SIPA1L3: variants seen among roughly 807,000 people sequenced by gnomAD.
SIPA1L3 encodes signal-induced proliferation-associated 1-like protein 3.
Under a neutral mutation model 150.1 loss-of-function variants are expected in SIPA1L3, and 59 were observed. The observed-to-expected ratio is 0.39, with a 90% confidence interval of 0.32 to 0.49. SIPA1L3 has a LOEUF of 0.49. SIPA1L3 is among the 20% of genes least tolerant of loss of function. SIPA1L3 has a pLI of 0.86. For missense variants in SIPA1L3, 2,211 were observed against 2,489.5 expected, an observed-to-expected ratio of 0.89 and a Z score of 2.38; for synonymous variants, 1,070 against 1,077.6, an observed-to-expected ratio of 0.99 and a Z score of 0.14.
chr19:38,125,425 A>AT (rs1971149680), intron 9 of SIPA1L3, among the ~76,000 whole-genome samples: 1 of 152,140 alleles, frequency 6.6e-6, no homozygotes, highest in African/African-American at 2.4e-5. Flanking sequence ...GCCAGGCACC[A>AT]TGCCAGGTGA....
intron 17 of SIPA1L3, among the ~76,000 whole-genome samples, 194 bp downstream of exon 17, chr19:38,192,504 G>T (rs1445949843): frequency 6.6e-6 from 1 of 152,204 alleles, no homozygotes; most frequent in East Asian, 1.9e-4. Context: ...GCATTGGTCT[G>T]GGATGGAATC....
intron 18 of SIPA1L3, among the ~76,000 whole-genome samples, chr19:38,197,590 C>T (rs1008782986): frequency 5.9e-5 from 9 of 152,172 alleles, no homozygotes; most frequent in Admixed American, 5.9e-4. Context: ...GCCTCCGTCC[C>T]ACCATCTCCT....
At chr19:38,187,485 A>AGGCGGG (rs1451153617) in intron 16 of SIPA1L3, among the ~76,000 whole-genome samples, 1 of 151,866 alleles carries the variant, frequency 6.6e-6, no homozygotes, top group African/African-American at 2.4e-5. Flanking sequence ...TGGGAGGCCG[A>AGGCGGG]GGCGGGTGGA....
Position 37,963,070 on chromosome 19 carries a change from C to T in SIPA1L3, c.-379+55712C>T, listed in dbSNP as rs117202755. 7.1e-3 allele frequency among the ~76,000 whole-genome samples: 1,083 copies of T among 152,250 alleles called. 36 individuals carry two copies. Among genetic ancestry groups the T allele is most frequent in the East Asian group, 0.066 (341 of 5,184 alleles). On this transcript the variant is annotated intron_variant, in intron 1 of 21. Coordinates refer to ENST00000222345, the MANE Select transcript of SIPA1L3 (RefSeq NM_015073.3). ...CAGATTAAAGGTTGTGCTGAAACAC[C>T]TTGAGCCAATAAAGCTTCCATCCTT...
intron 4 of SIPA1L3, among the ~76,000 whole-genome samples, chr19:38,097,724 T>G (rs1217256953): frequency 1.3e-5 from 2 of 152,180 alleles, no homozygotes; most frequent in Non-Finnish European, 2.9e-5. Flanking sequence ...GCCCGGCTAA[T>G]TTTTGTATTT....
At chr19:38,176,722 A>G (rs1972442376) in intron 15 of SIPA1L3, among the ~76,000 whole-genome samples, 1 of 152,208 alleles carries the variant, frequency 6.6e-6, no homozygotes, top group Non-Finnish European at 1.5e-5. Flanking sequence ...CTGTAATCCC[A>G]GCACTTTGGG....
Position 37,972,093 on chromosome 19 carries a change from A to T in SIPA1L3, c.-378-56996A>T, listed in dbSNP as rs1337721604. ...TATTTTTCAGTTCTCTTGGATATCT[A>T]CATACTTAAGAGTGGAGTTACTAAG... On this transcript the variant is annotated intron_variant, in intron 1 of 21. Transcript: ENST00000222345. Among the ~76,000 whole-genome samples the T allele has an allele frequency of 3.3e-5, 5 of 152,090 alleles. No homozygotes were observed. In the East Asian group the frequency reaches 9.6e-4, roughly 29 times the overall value.
rs563320778 is a variant in SIPA1L3 at position 38,081,800 on chromosome 19, G to A, written c.235G>A (p.Val79Met). The A allele has an allele frequency of 3.7e-6, 6 of 1,612,870 alleles. No homozygotes were observed. The highest frequency in any genetic ancestry group is 4.5e-5 in the East Asian group (2 of 44,822). Residue 79 changes from valine to methionine, a missense_variant, in exon 3 of 22, where the codon GTG becomes ATG. Physicochemically the swap from Val to Met is conservative, Grantham distance 21. Coordinates refer to ENST00000222345, the MANE Select transcript of SIPA1L3 (RefSeq NM_015073.3). ...PTTPAMPKMG[V>M]RARVADWPPK... ...CACTCCCGCAATGCCCAAGATGGGC[G>A]TGCGCGCAAGGGTGGCCGACTGGCC...
At chr19:37,908,303 T>G (rs1200413392) in intron 1 of SIPA1L3, among the ~76,000 whole-genome samples, 4 of 152,160 alleles carry the variant, frequency 2.6e-5, no homozygotes, top group Non-Finnish European at 5.9e-5. Context: ...TCTCAAAGGG[T>G]TGTAAGGATT....
intron 16 of SIPA1L3, 141 bp from the exon 17 acceptor site, chr19:38,192,004 C>T (rs1012824441): frequency 2.8e-6 from 2 of 709,180 alleles, no homozygotes; most frequent in East Asian, 5.9e-5. Context: ...CCAAGCCCCT[C>T]TCTGCCACGC....
At chr19:37,929,341 C>A (rs2046533017) in intron 1 of SIPA1L3, among the ~76,000 whole-genome samples, 1 of 152,210 alleles carries the variant, frequency 6.6e-6, no homozygotes, top group African/African-American at 2.4e-5. Flanking sequence ...GGTTTTGCTG[C>A]AGAAATAAGT....
chr19:38,038,275 G>A lies in SIPA1L3; in HGVS notation c.-311+9119G>A, dbSNP rs189277198. Among the ~76,000 whole-genome samples the A allele has an allele frequency of 3.3e-5, 5 of 152,278 alleles. No individual in the cohort carries two copies. In the East Asian group the frequency reaches 9.6e-4, roughly 29 times the overall value. On this transcript the variant is annotated intron_variant, in intron 2 of 21. Transcript: ENST00000222345. ...GAGCAGACACACACAGATGTCCACT[G>A]TGCACTGTATCTTCCTCATGTAAAA...
chr19:38,150,825 G>A (rs1971805263), intron 12 of SIPA1L3, among the ~76,000 whole-genome samples: 1 of 152,026 alleles, frequency 6.6e-6, no homozygotes, highest in Admixed American at 6.6e-5. Context: ...ACAGGCGTGA[G>A]CCACCACACC....
chr19:37,957,783 G>A (rs909483010), intron 1 of SIPA1L3, among the ~76,000 whole-genome samples: 1 of 151,970 alleles, frequency 6.6e-6, no homozygotes, highest in Non-Finnish European at 1.5e-5. Context: ...CATAATCACA[G>A]CTCACTGCAG....
intron 1 of SIPA1L3, among the ~76,000 whole-genome samples, chr19:37,989,941 G>C (rs559743251): frequency 1.3e-5 from 2 of 152,184 alleles, no homozygotes; most frequent in Non-Finnish European, 2.9e-5. Flanking sequence ...GGGCCTGGCT[G>C]AGCCGGGCCA....
At position 38,111,771 on chromosome 19, in the gene SIPA1L3, C is replaced by T. The variant is rs62121433; in HGVS notation, c.2291+1387C>T. 1.4e-4 allele frequency among the ~76,000 whole-genome samples: 21 copies of T among 152,340 alleles called. 1 individual carries two copies. The highest frequency in any genetic ancestry group is 2.0e-4 in the Admixed American group (3 of 15,308). On this transcript the variant is annotated intron_variant, in intron 8 of 21. Transcript: ENST00000222345. ...TGAGGCCACCTCTCCCCCTGCCCAT[C>T]GGTTCCTGGAACATGCAGCAGCAGC...
intron 2 of SIPA1L3, among the ~76,000 whole-genome samples, chr19:38,029,818 C>G (rs972076140): frequency 2.7e-5 from 4 of 148,168 alleles, no homozygotes; most frequent in Non-Finnish European, 5.9e-5. Flanking sequence ...AGGCTGGTTT[C>G]GAACTCCCGA....
In SIPA1L3 at chr19:38,002,260, G is replaced by A. The variant is rs79792002; in HGVS notation, c.-378-26829G>A. 5.4e-3 allele frequency among the ~76,000 whole-genome samples: 821 copies of A among 152,228 alleles called. 32 individuals are homozygous for A. The highest frequency in any genetic ancestry group is 0.045 in the Admixed American group (681 of 15,290). ...TATTTTCTGTCTCTATGAGATTGAC[G>A]AATGTAAGTGTCTCCTATGAGTGGA... is the stretch of plus-strand genomic sequence containing the variant. On this transcript the variant is annotated intron_variant, in intron 1 of 21. Coordinates refer to ENST00000222345, the MANE Select transcript of SIPA1L3 (RefSeq NM_015073.3).
intron 2 of SIPA1L3, among the ~76,000 whole-genome samples, chr19:38,054,917 TC>T (rs1323503857): frequency 6.6e-6 from 1 of 152,152 alleles, no homozygotes; most frequent in African/African-American, 2.4e-5. Flanking sequence ...GAGTCCATGT[TC>T]CCGGGAGCCC....
Sources: gnomAD v4.1 joint callset for allele counts (sites outside exome capture counted in the v4.1 genomes callset) on GRCh38, gnomAD v4.1.1 for gene constraint, MANE v1.5 for transcripts, NCBI Gene and HGNC (gene_info 2026-07-23, HGNC 2026-07-21) for gene names.